Variants in PAK5 observed in about 807,000 individuals in gnomAD.
The protein encoded by PAK5 is p21 (RAC1) activated kinase 5, also known as serine/threonine-protein kinase PAK 5.
A neutral mutation model predicts 65.9 loss-of-function variants in PAK5; 16 were observed. The observed-to-expected ratio is 0.24, with a 90% CI of 0.16 to 0.37. The LOEUF (loss-of-function observed/expected upper bound fraction) is 0.37, where lower values mean the gene tolerates loss of function less well. PAK5 is among the 10% of genes least tolerant of loss of function. The pLI is 1.00. For missense variants in PAK5, 785 were observed against 903.9 expected, an observed-to-expected ratio of 0.87 and a Z score of 1.69; for synonymous variants, 371 against 354.9, an observed-to-expected ratio of 1.05 and a Z score of -0.51.
At chr20:9,807,067 T>C (rs2049241494) in intron 1 of PAK5, among the ~76,000 whole-genome samples, 1 of 152,140 alleles carries the variant, frequency 6.6e-6, no homozygotes, top group Non-Finnish European at 1.5e-5. Context: ...GATTTGACCT[T>C]ATTGCCTCCT....
rs749645805 is a variant in PAK5 at position 9,648,780 on chromosome 20, CT to C, written c.-11-4442del. Among the ~76,000 whole-genome samples the C allele has an allele frequency of 3.3e-5, 5 of 152,302 alleles. 1 individual carries two copies. Among genetic ancestry groups the C allele is most frequent in the Admixed American group, 6.5e-5 (1 of 15,306 alleles). ...AATCACTTGTGAGAGCAATGTATGG[CT>C]GCCCTGTATTTACCTTCTCTGCCAG... On this transcript the variant is annotated intron_variant, in intron 2 of 9. Coordinates refer to ENST00000353224, the MANE Select transcript of PAK5 (RefSeq NM_177990.4).
At chr20:9,660,424 T>C (rs2047329158) in intron 2 of PAK5, among the ~76,000 whole-genome samples, 1 of 151,766 alleles carries the variant, frequency 6.6e-6, no homozygotes. Flanking sequence ...GCACTGTCCA[T>C]GGTACTGAAG....
intron 4 of PAK5, among the ~76,000 whole-genome samples, chr20:9,574,166 G>A (rs2045843577): frequency 6.6e-6 from 1 of 152,150 alleles, no homozygotes; most frequent in African/African-American, 2.4e-5. Flanking sequence ...CTGGCAATTA[G>A]GGGAATGGGA....
At chr20:9,740,456 T>G (rs1052129757) in intron 1 of PAK5, among the ~76,000 whole-genome samples, 1 of 152,196 alleles carries the variant, frequency 6.6e-6, no homozygotes, top group African/African-American at 2.4e-5. Context: ...TCCTTTTACC[T>G]ATACCTTTTG....
chr20:9,724,756 C>T (rs761209011), intron 1 of PAK5, among the ~76,000 whole-genome samples: 5 of 152,106 alleles, frequency 3.3e-5, no homozygotes, highest in Admixed American at 6.6e-5. Flanking sequence ...AGTTCTCCAG[C>T]ATCTCCATGT....
intron 1 of PAK5, among the ~76,000 whole-genome samples, chr20:9,823,393 A>C (rs2049446287): frequency 1.3e-5 from 2 of 152,162 alleles, no homozygotes; most frequent in Admixed American, 1.3e-4. Context: ...TCCCCGCCCA[A>C]ATCTCACCTT....
chr20:9,664,040 C>T (rs753535694), intron 2 of PAK5, among the ~76,000 whole-genome samples: 22 of 152,190 alleles, frequency 1.4e-4, no homozygotes, highest in African/African-American at 3.9e-4. Context: ...AAGGCAGCTA[C>T]GAATAAGTGC....
intron 5 of PAK5, 52 bp downstream of exon 5, chr20:9,565,841 G>T (rs2045666683): frequency 3.3e-6 from 5 of 1,531,118 alleles, no homozygotes; most frequent in South Asian, 1.2e-5. Flanking sequence ...CTTTTGAAAT[G>T]GGAAATAAAT....
Position 9,566,355 on chromosome 20 carries a change from G to A in PAK5, c.1020C>T (p.Leu340=), listed in dbSNP as rs2123002424. ...KVDYDRAQMV[L]SPPLSGSDTY... ...TGTCAGACCCTGACAGTGGAGGGCT[G>A]AGGACCATCTGTGCTCGATCGTAAT... The change falls in exon 5 of 10, where the codon CTC becomes CTT. Residue 340 remains leucine (L), a synonymous_variant. Transcript: ENST00000353224. 6.2e-7 allele frequency: 1 copy of A among 1,613,396 alleles called. No individual in the cohort carries two copies. Among genetic ancestry groups the A allele is most frequent in the Non-Finnish European group, 8.5e-7 (1 of 1,179,682 alleles).
chr20:9,749,474 C>A (rs896619224), intron 1 of PAK5, among the ~76,000 whole-genome samples: 1 of 152,084 alleles, frequency 6.6e-6, no homozygotes, highest in African/African-American at 2.4e-5. Context: ...TGACAAAATA[C>A]AGAAAACTGT....
chr20:9,808,840 T>C (rs576976175), intron 1 of PAK5, among the ~76,000 whole-genome samples: 6 of 152,258 alleles, frequency 3.9e-5, no homozygotes, highest in African/African-American at 4.8e-5. Context: ...GTGAATATCA[T>C]TGAATTGTAT....
intron 3 of PAK5, among the ~76,000 whole-genome samples, chr20:9,642,926 C>G (rs559225440): frequency 1.2e-3 from 186 of 152,320 alleles, no homozygotes; most frequent in Middle Eastern, 0.01. Context: ...TTGGGCAGAA[C>G]AGACTCATAT....
chr20:9,724,761 C>G (rs1174507291), intron 1 of PAK5, among the ~76,000 whole-genome samples: 1 of 152,078 alleles, frequency 6.6e-6, no homozygotes, highest in Non-Finnish European at 1.5e-5. Flanking sequence ...TCCAGCATCT[C>G]CATGTACTGA....
chr20:9,630,080 A>T (rs974486851), intron 3 of PAK5, among the ~76,000 whole-genome samples: 1 of 152,124 alleles, frequency 6.6e-6, no homozygotes, highest in Non-Finnish European at 1.5e-5. Context: ...TGTTGAAGGA[A>T]CCCTCTGGTT....
chr20:9,777,567 T>G (rs1334404449), intron 1 of PAK5, among the ~76,000 whole-genome samples: 1 of 152,166 alleles, frequency 6.6e-6, no homozygotes, highest in Non-Finnish European at 1.5e-5. Context: ...AATTACCCAG[T>G]CATGAGTATG....
chr20:9,612,284 C>T (rs1055852386), intron 3 of PAK5, among the ~76,000 whole-genome samples: 5 of 152,154 alleles, frequency 3.3e-5, no homozygotes, highest in Non-Finnish European at 7.3e-5. Context: ...ATGTCGTCTC[C>T]GTCTGGAGAA....
chr20:9,613,911 C>T (rs939805844), intron 3 of PAK5, among the ~76,000 whole-genome samples: 7 of 152,130 alleles, frequency 4.6e-5, no homozygotes. Context: ...TATTTGCCAC[C>T]GTTTCTGACC....
intron 7 of PAK5, among the ~76,000 whole-genome samples, chr20:9,554,319 C>T (rs1357972345): frequency 6.6e-6 from 1 of 152,200 alleles, no homozygotes; most frequent in Non-Finnish European, 1.5e-5. Context: ...TGCACTTCCA[C>T]CTCGTTTTCT....
intron 1 of PAK5, among the ~76,000 whole-genome samples, chr20:9,788,540 C>G (rs1267039090): frequency 6.6e-6 from 1 of 152,062 alleles, no homozygotes; most frequent in African/African-American, 2.4e-5. Flanking sequence ...AAAATCTCTT[C>G]TATAAAAGGT....
Sources: allele counts gnomAD v4.1 joint callset (sites outside exome capture counted in the v4.1 genomes callset), GRCh38; gene constraint gnomAD v4.1.1; transcripts MANE v1.5; gene names NCBI Gene and HGNC (gene_info 2026-07-23, HGNC 2026-07-21).